KCNK10: variants seen among roughly 807,000 people sequenced by gnomAD.
KCNK10 encodes potassium channel subfamily K member 10.
A neutral mutation model predicts 47.7 loss-of-function variants in KCNK10; 25 were observed. That is an observed-to-expected ratio of 0.52 (90% CI 0.38 to 0.73). KCNK10 has a LOEUF of 0.73. Ranked by LOEUF, KCNK10 falls within the 30% of genes least tolerant of loss-of-function variation. The pLI is 0.00. For missense variants in KCNK10, 563 were observed against 714.5 expected (o/e 0.79, Z 2.42); for synonymous variants, 303 against 285.6 (o/e 1.06, Z -0.61).
At chr14:88,230,151 T>A (rs1940537) in intron 3 of KCNK10, among the ~76,000 whole-genome samples, 43,883 of 152,014 alleles carry the variant, frequency 0.29, 6,989 homozygotes, top group East Asian at 0.47. Flanking sequence ...TGAAATATGA[T>A]GCAAACTAAG....
chr14:88,195,806 A>G (rs1884893928), intron 4 of KCNK10, among the ~76,000 whole-genome samples: 1 of 152,172 alleles, frequency 6.6e-6, no homozygotes, highest in Non-Finnish European at 1.5e-5. Context: ...CCAGCTGCAG[A>G]GGGATTCTGA....
intron 4 of KCNK10, among the ~76,000 whole-genome samples, chr14:88,221,874 C>A (rs970599206): frequency 2.0e-5 from 3 of 152,108 alleles, no homozygotes; most frequent in African/African-American, 7.2e-5. Context: ...CACCACCCAG[C>A]AGAAATGGAC....
intron 4 of KCNK10, among the ~76,000 whole-genome samples, chr14:88,209,948 T>C (rs1276284517): frequency 1.3e-5 from 2 of 152,234 alleles, no homozygotes; most frequent in Non-Finnish European, 2.9e-5. Flanking sequence ...ATGCTTTACT[T>C]GAGCAGAACA....
chr14:88,190,506 G>A (rs1470585467), intron 5 of KCNK10, among the ~76,000 whole-genome samples: 1 of 152,146 alleles, frequency 6.6e-6, no homozygotes, highest in Non-Finnish European at 1.5e-5. Flanking sequence ...TCTCTTCGGA[G>A]CTTGAGGCCA....
chr14:88,200,623 C>T (rs1043983454), intron 4 of KCNK10, among the ~76,000 whole-genome samples: 2 of 152,220 alleles, frequency 1.3e-5, no homozygotes, highest in Non-Finnish European at 2.9e-5. Context: ...ACTAAGGGAA[C>T]TGGACAGGAA....
At chr14:88,190,055 T>C (rs1451449356) in intron 5 of KCNK10, among the ~76,000 whole-genome samples, 2 of 152,216 alleles carry the variant, frequency 1.3e-5, no homozygotes, top group Middle Eastern at 3.2e-3. Context: ...GTGTAGGTTG[T>C]GCCCTTACTA....
rs934853980 is a variant in KCNK10 at position 88,184,521 on chromosome 14, A to G, written c.*1014T>C. 5 of 152,458 alleles carry G rather than the reference A, an allele frequency of 3.3e-5. No homozygotes were observed. Among genetic ancestry groups the G allele is most frequent in the East Asian group, 1.9e-4 (1 of 5,324 alleles). The allele number at this position is 152,458 out of a possible 1,614,324, so 9.4% of individuals were successfully genotyped here. ...GACACCCAAGGGACAAAAAGCCCTG[A>G]GATGGAAAGATGCCATGGTCCTCCT... On this transcript the variant is annotated 3_prime_UTR_variant, in exon 7 of 7. Transcript: ENST00000319231.
At chr14:88,270,604 ACTGAGAC>A in intron 1 of KCNK10, 1 of 728,366 alleles carries the variant, frequency 1.4e-6, no homozygotes, top group Non-Finnish European at 2.5e-6. Context: ...TGATGAAATG[ACTGAGAC>A]CCTATGGAGC....
intron 4 of KCNK10, among the ~76,000 whole-genome samples, chr14:88,221,239 TTGC>T (rs1426428221): frequency 6.6e-6 from 1 of 151,368 alleles, no homozygotes; most frequent in Admixed American, 6.6e-5. Context: ...GAGGCAGAGG[TTGC>T]AGTGAGCCAA....
intron 1 of KCNK10, among the ~76,000 whole-genome samples, chr14:88,274,814 A>G (rs1260281070): frequency 6.6e-6 from 1 of 152,148 alleles, no homozygotes; most frequent in African/African-American, 2.4e-5. Context: ...CCTGTGTGCC[A>G]GGAGTAGTAC....
intron 1 of KCNK10, among the ~76,000 whole-genome samples, chr14:88,312,847 G>A (rs1237730003): frequency 2.0e-5 from 3 of 152,178 alleles, no homozygotes; most frequent in African/African-American, 7.2e-5. Flanking sequence ...GATCTATTAT[G>A]AGACCATATG....
At chr14:88,187,629 C>A (rs922564654) in intron 6 of KCNK10, among the ~76,000 whole-genome samples, 2 of 148,760 alleles carry the variant, frequency 1.3e-5, no homozygotes, top group South Asian at 2.2e-4. Context: ...GGCTGCACCC[C>A]CCCACACACA....
Position 88,322,781 on chromosome 14 carries a change from C to G in KCNK10, c.18G>C (p.Glu6Asp). The change falls in exon 1 of 7, where the codon GAG becomes GAC. Residue 6 changes from glutamate (E) to aspartate (D), a missense_variant. Transcript: ENST00000319231. This position sits in a 1 kb window ranked among gnomAD's most constrained non-coding sequence, Gnocchi z 4.8. ...CCCAGTTCACCTGTTTTCTTGGCGT[C>G]TCGATTGGAAATTTCATTGCTTCGT... MKFPI[E>D]TPRKQVNWDP... 6.2e-7 allele frequency: 1 copy of G among 1,614,136 alleles called. No homozygotes were observed. Among genetic ancestry groups the G allele is most frequent in the Non-Finnish European group, 8.5e-7 (1 of 1,180,018 alleles).
chr14:88,220,278 G>A (rs548700886), intron 4 of KCNK10, among the ~76,000 whole-genome samples: 3 of 149,892 alleles, frequency 2.0e-5, no homozygotes, highest in East Asian at 2.0e-4. Flanking sequence ...TTAGCCGGGC[G>A]TAGTGGCGGG....
intron 1 of KCNK10, among the ~76,000 whole-genome samples, chr14:88,304,050 T>C (rs1888159817): frequency 6.6e-6 from 1 of 152,154 alleles, no homozygotes; most frequent in Admixed American, 6.5e-5. Context: ...AACACACGTT[T>C]AATAAATATA....
rs1887073181 is a variant in KCNK10, at chr14:88,260,230, A to G, written c.402+2972T>C. Among the ~76,000 whole-genome samples the G allele has an allele frequency of 6.6e-6, 1 of 152,212 alleles. No individual in the cohort carries two copies. Among genetic ancestry groups the G allele is most frequent in the African/African-American group, 2.4e-5 (1 of 41,456 alleles). Reference sequence around the variant, plus strand: ...AGTGCTGGGATTACAGGTGTAAGCCACCGCGCCAGGCCAAGATATGGTTGT... The same window carrying G: ...AGTGCTGGGATTACAGGTGTAAGCCGCCGCGCCAGGCCAAGATATGGTTGT... On this transcript the variant is annotated intron_variant, in intron 2 of 6. Transcript: ENST00000319231. This position sits in a 1 kb window ranked among gnomAD's most constrained non-coding sequence, Gnocchi z 4.5.
intron 4 of KCNK10, among the ~76,000 whole-genome samples, chr14:88,218,760 C>G (rs926824264): frequency 6.6e-6 from 1 of 151,966 alleles, no homozygotes; most frequent in Non-Finnish European, 1.5e-5. Context: ...TCAGCCTGGC[C>G]CAGCAAGACA....
upstream of KCNK10, chr14:88,326,293 A>T: frequency 1.4e-6 from 1 of 732,492 alleles, no homozygotes; most frequent in Non-Finnish European, 2.4e-6. Context: ...TTTGGAGTGG[A>T]CTGCATGGAG....
At chr14:88,270,041 A>C (rs1314416723) in intron 1 of KCNK10, among the ~76,000 whole-genome samples, 3 of 152,182 alleles carry the variant, frequency 2.0e-5, no homozygotes, top group African/African-American at 7.2e-5. Context: ...GCAAAGTGCA[A>C]CTGTGACTGC....
Sources: gnomAD v4.1 joint callset for allele counts (sites outside exome capture counted in the v4.1 genomes callset) on GRCh38, gnomAD v4.1.1 for gene constraint, Gnocchi (gnomAD v3.1) non-coding constraint, MANE v1.5 for transcripts, NCBI Gene and HGNC (gene_info 2026-07-23, HGNC 2026-07-21) for gene names.